Variants in CEP192 observed in about 807,000 individuals in gnomAD.
CEP192 encodes centrosomal protein 192.
CEP192 carries 151 observed loss-of-function variants against 271.8 expected under a neutral mutation model. The observed-to-expected ratio is 0.56, with a 90% confidence interval of 0.49 to 0.64. The LOEUF (loss-of-function observed/expected upper bound fraction) is 0.64, where lower values mean the gene tolerates loss of function less well. CEP192 is among the 30% of genes least tolerant of loss of function. CEP192 has a pLI of 0.00. For missense variants in CEP192, 2,910 were observed against 3,020.5 expected, an observed-to-expected ratio of 0.96 and a Z score of 0.86; for synonymous variants, 995 against 1,076.5, an observed-to-expected ratio of 0.92 and a Z score of 1.48.
intron 40 of CEP192, among the ~76,000 whole-genome samples, chr18:13,107,457 G>A (rs2040007820): frequency 1.3e-5 from 2 of 152,172 alleles, no homozygotes; most frequent in African/African-American, 2.4e-5. Flanking sequence ...GTCCCTCTCT[G>A]GGCTGACAGT....
At chr18:13,033,438 G>T (rs2035744330) in intron 11 of CEP192, among the ~76,000 whole-genome samples, 1 of 152,166 alleles carries the variant, frequency 6.6e-6, no homozygotes, top group Non-Finnish European at 1.5e-5. Context: ...AACTGTCTTA[G>T]CAAAGATGTG....
Position 13,012,982 on chromosome 18 carries a change from T to C in CEP192, c.476T>C (p.Ile159Thr), listed in dbSNP as rs2034448768. The C allele has an allele frequency of 1.3e-6, 2 of 1,512,348 alleles. No homozygotes were observed. The highest frequency in any genetic ancestry group is 1.2e-5 in the South Asian group (1 of 81,720). The allele number at this position is 1,512,348 out of a possible 1,614,324, so 93.7% of individuals were successfully genotyped here. A position where few individuals can be genotyped will look rare whatever the true frequency, so the allele number is the denominator to read the frequency against. ...SPLEQAQDSPIDFHLQSWMNN... is the reference protein window; with the variant it reads ...SPLEQAQDSPTDFHLQSWMNN... Reference sequence around the variant, plus strand: ...TTGTTTTCTTACACAGACTCACCTATTGATTTTCATTTACAGTCATGGATG... The same window carrying C: ...TTGTTTTCTTACACAGACTCACCTACTGATTTTCATTTACAGTCATGGATG... Residue 159 changes from isoleucine to threonine, a missense_variant, in exon 5 of 45, where the codon ATT becomes ACT. Ile to Thr is a moderately conservative substitution (Grantham distance 89). Coordinates refer to ENST00000506447, the MANE Select transcript of CEP192 (RefSeq NM_032142.4).
intron 34 of CEP192, among the ~76,000 whole-genome samples, chr18:13,093,541 A>G (rs2144767694): frequency 6.6e-6 from 1 of 152,314 alleles, no homozygotes; most frequent in East Asian, 1.9e-4. Flanking sequence ...CTTACTAGTA[A>G]TTTTAGGTGA....
At chr18:13,115,277 G>A (rs1051083799) in intron 42 of CEP192, among the ~76,000 whole-genome samples, 1 of 152,152 alleles carries the variant, frequency 6.6e-6, no homozygotes, top group Non-Finnish European at 1.5e-5. Context: ...GGAAACAAAC[G>A]AGAAACTGGG....
At chr18:13,123,765 G>A (rs993756883) in intron 44 of CEP192, among the ~76,000 whole-genome samples, 2 of 152,134 alleles carry the variant, frequency 1.3e-5, no homozygotes, top group Admixed American at 6.5e-5. Context: ...TAGTTTTAGG[G>A]ACAAAAACAA....
chr18:13,004,966 A>T (rs897236298), intron 3 of CEP192, among the ~76,000 whole-genome samples: 1 of 151,876 alleles, frequency 6.6e-6, no homozygotes, highest in African/African-American at 2.4e-5. Flanking sequence ...GGGCAGGGAG[A>T]GTGATGTGGT....
Position 13,089,537 on chromosome 18 carries a change from AT to A in CEP192, c.6078del (p.Gln2027LysfsTer5). The A allele has an allele frequency of 6.3e-7, 1 of 1,587,234 alleles. No individual in the cohort carries two copies. The highest frequency in any genetic ancestry group is 8.6e-7 in the Non-Finnish European group (1 of 1,158,502). On this transcript the variant is annotated frameshift_variant, in exon 33 of 45. Transcript: ENST00000506447. LOFTEE classifies it high-confidence loss of function. ...TTCAAAACATTAATTTTGTTGAAGCATTTCAAGATGAGCTATTAGTAACTGA... is the reference window on the plus strand; with the variant it reads ...TTCAAAACATTAATTTTGTTGAAGCATTCAAGATGAGCTATTAGTAACTGA... ...VLQNINFVEA[F>X]QDELLVTEVY...
At chr18:13,110,445 TA>T (rs2040158545) in intron 40 of CEP192, among the ~76,000 whole-genome samples, 3 of 149,950 alleles carry the variant, frequency 2.0e-5, no homozygotes, top group Admixed American at 2.0e-4. Flanking sequence ...TTTTTTTTTT[TA>T]ATAAGGGCAC....
chr18:13,116,468 G>T lies in CEP192; in HGVS notation c.7381G>T (p.Val2461Phe). Residue 2461 changes from valine (V) to phenylalanine (F), a missense_variant, in exon 43 of 45, where the codon GTC (valine) becomes TTC (phenylalanine). Coordinates refer to ENST00000506447, the MANE Select transcript of CEP192 (RefSeq NM_032142.4). ...TGTGGGGGAATCACGGACACTTAAAGTCAATCTGCGAAATAATTCTTTTAT... is the reference window on the plus strand; with the variant it reads ...TGTGGGGGAATCACGGACACTTAAATTCAATCTGCGAAATAATTCTTTTAT... ...TSVGESRTLK[V>F]NLRNNSFITH... 3 of 1,609,856 alleles carry T rather than the reference G, an allele frequency of 1.9e-6. No individual in the cohort carries two copies. Among genetic ancestry groups the T allele is most frequent in the Non-Finnish European group, 1.7e-6 (2 of 1,178,708 alleles).
intron 12 of CEP192, 84 bp from the exon 13 acceptor site, chr18:13,038,285 TA>T: frequency 8.8e-7 from 1 of 1,133,614 alleles, no homozygotes; most frequent in Non-Finnish European, 1.3e-6. Context: ...ATTTTCTTGG[TA>T]AGACTTTTTT....
chr18:13,083,835 T>C (rs2038753742), intron 30 of CEP192, among the ~76,000 whole-genome samples: 1 of 152,182 alleles, frequency 6.6e-6, no homozygotes. Flanking sequence ...GTTGATGGTG[T>C]TCCTTTCTGT....
intron 11 of CEP192, among the ~76,000 whole-genome samples, chr18:13,034,368 A>T (rs1369958174): frequency 6.6e-6 from 1 of 152,154 alleles, no homozygotes; most frequent in East Asian, 1.9e-4. Context: ...CTTTTTACTG[A>T]AAAGGAGAAA....
chr18:13,037,271 A>C lies in CEP192; in HGVS notation c.1569A>C (p.Glu523Asp). The C allele has an allele frequency of 7.3e-7, 1 of 1,371,034 alleles. No individual in the cohort carries two copies. Among genetic ancestry groups the C allele is most frequent in the Non-Finnish European group, 1.0e-6 (1 of 986,274 alleles). 84.9% of individuals were successfully genotyped at this position (1,371,034 alleles called of 1,614,324 possible). Reference sequence around the variant, plus strand: ...TTGATTTGATTGCACAAGATGAAGAAGAATTTAATAAAGAGCATCAATTTA... The same window carrying C: ...TTGATTTGATTGCACAAGATGAAGACGAATTTAATAAAGAGCATCAATTTA... The part of the protein sequence containing the change: ...EAFDLIAQDE[E>D]EFNKEHQFIQ... The change falls in exon 12 of 45, where the codon GAA becomes GAC. Residue 523 changes from glutamate (E) to aspartate (D), a missense_variant. Coordinates refer to ENST00000506447, the MANE Select transcript of CEP192 (RefSeq NM_032142.4).
At chr18:13,044,967 A>G (rs904401430) in intron 15 of CEP192, among the ~76,000 whole-genome samples, 4 of 152,104 alleles carry the variant, frequency 2.6e-5, no homozygotes, top group African/African-American at 9.7e-5. Context: ...CTGATGTTTT[A>G]ATTTTTTATG....
At chr18:13,119,919 C>T (rs1181322522) in intron 44 of CEP192, among the ~76,000 whole-genome samples, 2 of 152,180 alleles carry the variant, frequency 1.3e-5, no homozygotes, top group African/African-American at 2.4e-5. Flanking sequence ...CAAATTATGG[C>T]TTTATGTCAC....
At chr18:13,038,248 G>A in intron 12 of CEP192, 122 bp from the exon 13 acceptor site, 1 of 720,906 alleles carries the variant, frequency 1.4e-6, no homozygotes, top group South Asian at 2.0e-5. Context: ...TTTTTTTTTT[G>A]TCTAGTTTTT....
At position 13,017,273 on chromosome 18, in the gene CEP192, A is replaced by C. The variant is rs1208944848; in HGVS notation, c.726A>C (p.Glu242Asp). 5.2e-6 allele frequency: 8 copies of C among 1,550,586 alleles called. No homozygotes were observed. Among genetic ancestry groups the C allele is most frequent in the Non-Finnish European group, 6.1e-6 (7 of 1,146,370 alleles). The change falls in exon 7 of 45, where the codon GAA (glutamate) becomes GAC (aspartate). Residue 242 changes from glutamate to aspartate, a missense_variant. Glu to Asp is a conservative substitution (Grantham distance 45). Transcript: ENST00000506447. ...EQLAIPGMIY[E>D]DLEGPEPPEK... ...TGGCAATTCCAGGAATGATATATGAAGACCTAGAAGGACCAGAACCTCCAG... is the reference window on the plus strand; with the variant it reads ...TGGCAATTCCAGGAATGATATATGACGACCTAGAAGGACCAGAACCTCCAG...
chr18:13,098,028 T>C (rs1297869626), intron 36 of CEP192, among the ~76,000 whole-genome samples: 1 of 151,870 alleles, frequency 6.6e-6, no homozygotes, highest in East Asian at 1.9e-4. Context: ...AAATGAAAAG[T>C]CTCCCATGTC....
At chr18:13,012,319 C>T (rs2034409019) in intron 4 of CEP192, among the ~76,000 whole-genome samples, 1 of 152,128 alleles carries the variant, frequency 6.6e-6, no homozygotes, top group African/African-American at 2.4e-5. Context: ...AAAAAAACTT[C>T]CCATGTACCT....
Sources: gnomAD v4.1 joint callset for allele counts (sites outside exome capture counted in the v4.1 genomes callset) on GRCh38, gnomAD v4.1.1 for gene constraint, MANE v1.5 for transcripts, NCBI Gene and HGNC (gene_info 2026-07-23, HGNC 2026-07-21) for gene names.